Variants in FAM185A observed in about 807,000 individuals in gnomAD.
FAM185A encodes the protein protein FAM185A.
In FAM185A, 21 loss-of-function variants were observed where a neutral mutation model predicts 45.7. The observed-to-expected ratio is 0.46, with a 90% CI of 0.33 to 0.66. The LOEUF is 0.66. Ranked by LOEUF, FAM185A falls within the 30% of genes least tolerant of loss-of-function variation. FAM185A has a pLI of 0.03. For missense variants in FAM185A, 305 were observed against 485.4 expected (o/e 0.63, Z 3.49); for synonymous variants, 117 against 194.0 (o/e 0.60, Z 3.30).
chr7:102,775,562 T>C (rs1175679556), intron 5 of FAM185A, among the ~76,000 whole-genome samples: 4 of 152,200 alleles, frequency 2.6e-5, no homozygotes, highest in Non-Finnish European at 5.9e-5. Flanking sequence ...ATAATTACTT[T>C]GTGGCCTAGG....
chr7:102,756,612 T>A (rs1180035078), intron 2 of FAM185A, among the ~76,000 whole-genome samples: 1 of 148,812 alleles, frequency 6.7e-6, no homozygotes, highest in Non-Finnish European at 1.5e-5. Context: ...AGCCGAGATC[T>A]CACCACTGCA....
chr7:102,784,629 A>G (rs1292606411), intron 6 of FAM185A, among the ~76,000 whole-genome samples: 1 of 152,194 alleles, frequency 6.6e-6, no homozygotes, highest in Non-Finnish European at 1.5e-5. Flanking sequence ...ACAAAATTCA[A>G]CAACGCTTCA....
chr7:102,793,304 CG>C (rs1366034699), intron 7 of FAM185A, among the ~76,000 whole-genome samples: 1 of 152,056 alleles, frequency 6.6e-6, no homozygotes, highest in African/African-American at 2.4e-5. Flanking sequence ...CTCTGCCTCC[CG>C]GGTTCCAGGG....
downstream of FAM185A, chr7:102,813,086 C>T (rs1474652983): frequency 3.5e-5 from 11 of 312,658 alleles, no homozygotes; most frequent in East Asian, 5.2e-4. Flanking sequence ...ATGGTCCACC[C>T]GCCTTGGCCT....
chr7:102,769,512 G>A (rs1423309705), intron 4 of FAM185A, among the ~76,000 whole-genome samples: 1 of 150,776 alleles, frequency 6.6e-6, no homozygotes, highest in Non-Finnish European at 1.5e-5. Flanking sequence ...CTTGATGAGT[G>A]GGTGACTGGA....
At chr7:102,826,769 A>ATATATATATATATATATATATATG in the FAM185A span, among the ~76,000 whole-genome samples, 7 of 100,742 alleles carry the variant, frequency 6.9e-5, no homozygotes, top group Non-Finnish European at 1.2e-4. Context: ...ATATATATAT[A>ATATATATATATATATATATATATG]TATGTATATA....
chr7:102,795,488 A>G (rs1796392689), intron 7 of FAM185A, among the ~76,000 whole-genome samples: 1 of 152,150 alleles, frequency 6.6e-6, no homozygotes, highest in Non-Finnish European at 1.5e-5. Flanking sequence ...AAGCAGATAC[A>G]GGAAACAAAC....
chr7:102,801,788 G>T (rs1796808038), intron 7 of FAM185A, among the ~76,000 whole-genome samples: 1 of 152,014 alleles, frequency 6.6e-6, no homozygotes, highest in Non-Finnish European at 1.5e-5. Flanking sequence ...AGCCAGGCGT[G>T]GTGGCGGGCA....
intron 7 of FAM185A, among the ~76,000 whole-genome samples, chr7:102,791,657 A>G (rs1285616414): frequency 7.2e-5 from 11 of 152,208 alleles, no homozygotes; most frequent in African/African-American, 2.2e-4. Context: ...AGACTACCCT[A>G]TGAGGTTGGT....
the FAM185A span, among the ~76,000 whole-genome samples, chr7:102,828,950 A>G: frequency 4.6e-5 from 7 of 152,178 alleles, no homozygotes; most frequent in African/African-American, 1.7e-4. Context: ...GTAGATTGTC[A>G]TTCTCAAGAA....
At chr7:102,826,769 A>ATATATATATATATATATG in the FAM185A span, among the ~76,000 whole-genome samples, 56 of 100,736 alleles carry the variant, frequency 5.6e-4, 3 homozygotes, top group African/African-American at 8.7e-4. Context: ...ATATATATAT[A>ATATATATATATATATATG]TATGTATATA....
chr7:102,842,397 C>G, the FAM185A span, among the ~76,000 whole-genome samples: 68 of 152,318 alleles, frequency 4.5e-4, no homozygotes, highest in African/African-American at 1.6e-3. Flanking sequence ...GCCAACACAT[C>G]TAATCCATCT....
downstream of FAM185A, among the ~76,000 whole-genome samples, chr7:102,812,320 G>C (rs1383039438): frequency 6.6e-6 from 1 of 152,188 alleles, no homozygotes; most frequent in Admixed American, 6.5e-5. Context: ...ATACTTCCTA[G>C]CATAAAATTG....
At chr7:102,775,982 T>C (rs558714091) in intron 5 of FAM185A, among the ~76,000 whole-genome samples, 2 of 152,246 alleles carry the variant, frequency 1.3e-5, no homozygotes, top group African/African-American at 4.8e-5. Flanking sequence ...CCAGTATAGA[T>C]TGGAAATAAA....
At chr7:102,849,751 G>C in the FAM185A span, among the ~76,000 whole-genome samples, 2,134 of 152,290 alleles carry the variant, frequency 0.014, 115 homozygotes, top group East Asian at 0.16. Context: ...CAAGGGGAAA[G>C]ATTACCACAT....
chr7:102,749,422 G>C lies in FAM185A; in HGVS notation c.215G>C (p.Ser72Thr), dbSNP rs1405304722. ...RTLKEWTLQVSPFGRLRARLP... is the reference protein window; with the variant it reads ...RTLKEWTLQVTPFGRLRARLP... The stretch of plus-strand genomic sequence containing the variant: ...CTGAAGGAGTGGACACTGCAGGTGA[G>C]CCCGTTTGGTCGGCTGCGGGCGCGG... Residue 72 changes from serine to threonine, a missense_variant, in exon 1 of 8, where the codon AGC becomes ACC. Ser to Thr is a moderately conservative substitution (Grantham distance 58). Transcript: ENST00000413034. 9 of 1,548,372 alleles carry C rather than the reference G, an allele frequency of 5.8e-6. No individual in the cohort carries two copies. Among genetic ancestry groups the C allele is most frequent in the Middle Eastern group, 2.2e-4 (1 of 4,530 alleles).
chr7:102,821,982 A>G, the FAM185A span: 1 of 1,542,864 alleles, frequency 6.5e-7, no homozygotes, highest in Non-Finnish European at 8.9e-7. Context: ...ATAGCCATAT[A>G]CTATGTTTTC....
chr7:102,833,064 T>G, the FAM185A span: 3 of 1,353,724 alleles, frequency 2.2e-6, no homozygotes, highest in Non-Finnish European at 2.0e-6. Context: ...TACATTTCAG[T>G]CCCTGAAATA....
intron 5 of FAM185A, among the ~76,000 whole-genome samples, chr7:102,772,813 C>A (rs1794837960): frequency 6.6e-6 from 1 of 150,492 alleles, no homozygotes; most frequent in African/African-American, 2.4e-5. Context: ...TTGAAGACAA[C>A]CTTGTGAATA....
Sources: allele counts gnomAD v4.1 joint callset (sites outside exome capture counted in the v4.1 genomes callset), GRCh38; gene constraint gnomAD v4.1.1; transcripts MANE v1.5; gene names NCBI Gene and HGNC (gene_info 2026-07-23, HGNC 2026-07-21).